The following SYCP1 variants were observed in gnomAD, a reference collection of about 807,000 sequenced individuals.
SYCP1 encodes cancer/testis antigen 8.
In SYCP1, 64 loss-of-function variants were observed where a neutral mutation model predicts 153.1. The ratio of observed to expected loss-of-function variants is 0.42; its 90% CI spans 0.34 to 0.51. SYCP1 has a LOEUF of 0.51. Among genes scored for constraint, SYCP1 ranks in the 20% least tolerant of loss-of-function variants. SYCP1 has a pLI of 0.06. For missense variants in SYCP1, 997 were observed against 1,049.0 expected (o/e 0.95, Z 0.68); for synonymous variants, 384 against 341.8 (o/e 1.12, Z -1.36).
At chr1:114,958,706 G>C (rs914811005) in intron 27 of SYCP1, among the ~76,000 whole-genome samples, 2 of 149,924 alleles carry the variant, frequency 1.3e-5, no homozygotes, top group African/African-American at 2.5e-5. Flanking sequence ...GGATCACAAG[G>C]TCAGGAGATT....
intron 15 of SYCP1, among the ~76,000 whole-genome samples, chr1:114,894,483 A>G (rs1268563160): frequency 6.6e-6 from 1 of 152,196 alleles, no homozygotes; most frequent in African/African-American, 2.4e-5. Context: ...GGTTAAAAAT[A>G]TAAGAAAGTT....
At chr1:114,870,790 G>T (rs960650278) in intron 8 of SYCP1, among the ~76,000 whole-genome samples, 1 of 152,154 alleles carries the variant, frequency 6.6e-6, no homozygotes, top group Admixed American at 6.5e-5. Flanking sequence ...ACAGCATGTA[G>T]TTGGGTATTG....
At chr1:114,896,580 G>GGTAAGGA (rs1208544951) in intron 16 of SYCP1, among the ~76,000 whole-genome samples, 2 of 152,144 alleles carry the variant, frequency 1.3e-5, no homozygotes, top group Non-Finnish European at 2.9e-5. Flanking sequence ...CATAGTGGCT[G>GGTAAGGA]GCACATAGTA....
chr1:114,897,902 C>T (rs1233799477), intron 16 of SYCP1, among the ~76,000 whole-genome samples: 1 of 152,152 alleles, frequency 6.6e-6, no homozygotes, highest in East Asian at 1.9e-4. Context: ...GTGGCTTTCA[C>T]TCATGTTAAC....
chr1:114,933,733 T>C (rs1232733439), intron 23 of SYCP1, among the ~76,000 whole-genome samples: 2 of 152,120 alleles, frequency 1.3e-5, no homozygotes, highest in Non-Finnish European at 2.9e-5. Flanking sequence ...CTGAAAACCA[T>C]GGCATGAGAA....
chr1:114,877,496 T>C (rs2101479008), intron 11 of SYCP1, among the ~76,000 whole-genome samples: 1 of 152,318 alleles, frequency 6.6e-6, no homozygotes, highest in South Asian at 2.1e-4. Flanking sequence ...TTAACAAGGA[T>C]ATCTACTTAA....
At chr1:114,874,651 C>A in intron 9 of SYCP1, 87 bp downstream of exon 9, 1 of 750,710 alleles carries the variant, frequency 1.3e-6, no homozygotes, top group Non-Finnish European at 2.1e-6. Flanking sequence ...GACAACTATT[C>A]TTACTAAAAA....
In SYCP1 at chr1:114,947,299, TGAAATA is replaced by T. The variant is rs770986550; in HGVS notation, c.2306_2311del (p.Ile769_Glu770del). 1.2e-6 allele frequency: 2 copies of T among 1,612,982 alleles called. No homozygotes were observed. The highest frequency in any genetic ancestry group is 1.7e-5 in the Admixed American group (1 of 59,906). ...AACTTTTGTCTGTTAAGAAGCAACT[TGAAATA>T]GAAAGAGAAGAGAAGGTAGGTTTTT... is the stretch of plus-strand genomic sequence containing the variant. On this transcript the variant is annotated inframe_deletion, in exon 27 of 32. Transcript: ENST00000369522.
chr1:114,926,543 C>G lies in SYCP1; in HGVS notation c.1906C>G (p.Leu636Val), dbSNP rs1669259848. ...KKKGTAESKQ[L>V]NVYEIKVNKL... ...AAAAGGTACAGCAGAAAGCAAGCAA[C>G]TGAATGTTTATGAGATAAAGGTATT... Residue 636 changes from leucine to valine, a missense_variant, in exon 23 of 32, where the codon CTG (leucine) becomes GTG (valine). Transcript: ENST00000369522. The G allele has an allele frequency of 6.3e-7, 1 of 1,589,382 alleles. No individual in the cohort carries two copies. Among genetic ancestry groups the G allele is most frequent in the South Asian group, 1.1e-5 (1 of 87,744 alleles).
At chr1:114,879,770 T>G (rs1319118650) in intron 12 of SYCP1, among the ~76,000 whole-genome samples, 5 of 152,242 alleles carry the variant, frequency 3.3e-5, no homozygotes, top group African/African-American at 1.2e-4. Context: ...TTTTCATTGT[T>G]TTCCATAAGT....
chr1:114,982,194 A>T (rs1471913904), intron 29 of SYCP1, among the ~76,000 whole-genome samples: 1 of 151,988 alleles, frequency 6.6e-6, no homozygotes, highest in African/African-American at 2.4e-5. Context: ...ATTCATATCT[A>T]ACTAGGGAAT....
chr1:114,923,624 T>C (rs1389615167), intron 21 of SYCP1, 94 bp downstream of exon 21: 10 of 1,250,752 alleles, frequency 8.0e-6, no homozygotes, highest in Non-Finnish European at 1.1e-5. Flanking sequence ...AGTATACTGT[T>C]GTATAAATAA....
intron 20 of SYCP1, among the ~76,000 whole-genome samples, chr1:114,918,766 G>A (rs1668670348): frequency 6.6e-6 from 1 of 151,826 alleles, no homozygotes; most frequent in Non-Finnish European, 1.5e-5. Flanking sequence ...GTAAATGGGA[G>A]TACTTTCTTG....
At chr1:114,924,997 T>C (rs1189498055) in intron 21 of SYCP1, among the ~76,000 whole-genome samples, 1 of 152,158 alleles carries the variant, frequency 6.6e-6, no homozygotes, top group African/African-American at 2.4e-5. Context: ...CTATGTATTA[T>C]CTTACTTAAC....
intron 14 of SYCP1, among the ~76,000 whole-genome samples, 190 bp downstream of exon 14, chr1:114,886,499 G>A (rs1666318833): frequency 6.6e-6 from 1 of 152,082 alleles, no homozygotes; most frequent in African/African-American, 2.4e-5. Flanking sequence ...CTTAGGAAAA[G>A]ATGTAAAAGA....
intron 27 of SYCP1, among the ~76,000 whole-genome samples, chr1:114,956,645 C>T (rs2101866601): frequency 6.6e-6 from 1 of 152,156 alleles, no homozygotes; most frequent in East Asian, 1.9e-4. Flanking sequence ...GAACTCAGGT[C>T]CCTGGTCAGC....
At chr1:114,966,034 C>G (rs1261014203) in intron 27 of SYCP1, among the ~76,000 whole-genome samples, 1 of 152,042 alleles carries the variant, frequency 6.6e-6, no homozygotes, top group Non-Finnish European at 1.5e-5. Flanking sequence ...TGTTATTGGT[C>G]TATTCAGGGA....
rs1663960117 is a variant in SYCP1 at position 114,856,640 on chromosome 1, G to A, written c.176G>A (p.Gly59Glu). The change falls in exon 3 of 32, where the codon GGG (glycine) becomes GAG (glutamate). Residue 59 changes from glycine (G) to glutamate (E), a missense_variant. Coordinates refer to ENST00000369522, the MANE Select transcript of SYCP1 (RefSeq NM_003176.4). ...GCAAAGACTAATCTCTCCAAAAATGGGGAAAACATTGATTCAGGTAGGAGC... is the reference window on the plus strand; with the variant it reads ...GCAAAGACTAATCTCTCCAAAAATGAGGAAAACATTGATTCAGGTAGGAGC... ...PFAKTNLSKN[G>E]ENIDSDPALQ... is the part of the protein sequence containing the mutation. 4 of 1,611,632 alleles carry A rather than the reference G, an allele frequency of 2.5e-6. No individual in the cohort carries two copies. Among genetic ancestry groups the A allele is most frequent in the Non-Finnish European group, 8.5e-7 (1 of 1,178,954 alleles).
chr1:114,925,385 T>C (rs1457163951), intron 21 of SYCP1, among the ~76,000 whole-genome samples: 3 of 152,116 alleles, frequency 2.0e-5, no homozygotes, highest in Non-Finnish European at 2.9e-5. Context: ...ATAGAAAATA[T>C]TAGTGACGAT....
Sources: gnomAD v4.1 joint callset for allele counts (sites outside exome capture counted in the v4.1 genomes callset) on GRCh38, gnomAD v4.1.1 for gene constraint, MANE v1.5 for transcripts, NCBI Gene and HGNC (gene_info 2026-07-23, HGNC 2026-07-21) for gene names.